Variants in GSE1 observed in about 807,000 individuals in gnomAD.
GSE1 encodes Gse1 coiled-coil protein, also known as genetic suppressor element 1.
Under a neutral mutation model 112.6 loss-of-function variants are expected in GSE1, and 32 were observed. The ratio of observed to expected loss-of-function variants is 0.28; its 90% CI spans 0.21 to 0.38. The LOEUF (loss-of-function observed/expected upper bound fraction) is 0.38. Among genes scored for constraint, GSE1 ranks in the 10% least tolerant of loss-of-function variants. The pLI is 1.00. For synonymous variants in GSE1, 1,115 were observed against 735.6 expected, an observed-to-expected ratio of 1.52 and a Z score of -8.35; for missense variants, 2,348 against 1,699.2, an observed-to-expected ratio of 1.38 and a Z score of -6.71.
In GSE1 at chr16:85,657,338, G is replaced by A. The variant is rs373054511; in HGVS notation, c.1374G>A (p.Val458=). 21 of 1,608,136 alleles carry A rather than the reference G, an allele frequency of 1.3e-5. No homozygotes were observed. The African/African-American group carries it at 2.7e-4, about 21-fold the overall frequency. The change falls in exon 8 of 16, where the codon GTG becomes GTA. Residue 458 remains valine, a synonymous_variant. Transcript: ENST00000253458. ...CCGTCCAACACCCCTTGCATCCGGT[G>A]CCCACCCCACACCACACGGTGCCCA... is the stretch of plus-strand genomic sequence containing the variant. The part of the protein sequence containing the change: ...PKPVQHPLHP[V]PTPHHTVPSL...
intron 1 of GSE1, among the ~76,000 whole-genome samples, chr16:85,259,300 A>C (rs1234642886): frequency 6.7e-6 from 1 of 149,550 alleles, no homozygotes; most frequent in Non-Finnish European, 1.5e-5. Context: ...CCTGTGCTCC[A>C]CCCTGGCCCA....
At chr16:85,319,883 C>A (rs1370176162) in intron 1 of GSE1, among the ~76,000 whole-genome samples, 1 of 152,166 alleles carries the variant, frequency 6.6e-6, no homozygotes, top group Non-Finnish European at 1.5e-5. Flanking sequence ...TAGCATGGTG[C>A]CTGGCAAACA....
chr16:85,611,991 A>G (rs2151541750), upstream of GSE1, among the ~76,000 whole-genome samples: 1 of 152,010 alleles, frequency 6.6e-6, no homozygotes, highest in Admixed American at 6.5e-5. Flanking sequence ...CGAAACCCGC[A>G]CCGCAGCGCA....
chr16:85,342,476 T>G (rs986005711), intron 1 of GSE1, among the ~76,000 whole-genome samples: 1 of 152,124 alleles, frequency 6.6e-6, no homozygotes, highest in Non-Finnish European at 1.5e-5. Context: ...GTCACGCTCA[T>G]CTGCGGTGGC....
chr16:85,506,715 C>T (rs1016406962), intron 2 of GSE1, among the ~76,000 whole-genome samples: 4 of 151,886 alleles, frequency 2.6e-5, no homozygotes, highest in Admixed American at 6.5e-5. Flanking sequence ...CTGCTAACGT[C>T]GATTAGCCCT....
intron 1 of GSE1, among the ~76,000 whole-genome samples, chr16:85,237,302 G>A (rs565395119): frequency 1.3e-5 from 2 of 152,250 alleles, no homozygotes; most frequent in East Asian, 3.9e-4. Flanking sequence ...CAGCCTGGGC[G>A]ACAGAGCAAG....
chr16:85,340,014 C>A (rs749052516), intron 1 of GSE1, among the ~76,000 whole-genome samples: 27 of 152,220 alleles, frequency 1.8e-4, no homozygotes, highest in Non-Finnish European at 3.4e-4. Context: ...CCACCTCTCT[C>A]AGCACAGCTT....
chr16:85,540,846 G>A lies in GSE1; in HGVS notation c.2465-93068G>A, dbSNP rs542981490. Among the ~76,000 whole-genome samples the A allele has an allele frequency of 3.3e-5, 5 of 152,312 alleles. No individual in the cohort carries two copies. The South Asian group carries it at 8.3e-4, about 25-fold the overall frequency. ...CCCTTGAGCCCAGGAGTTTGAGGCT[G>A]CAGTGAGCTGTGATTGCACCACTGC... On this transcript the variant is annotated intron_variant, in intron 2 of 2. Coordinates refer to the GSE1 transcript ENST00000637419.
At chr16:85,376,874 C>G (rs2047432202) in intron 2 of GSE1, among the ~76,000 whole-genome samples, 1 of 152,200 alleles carries the variant, frequency 6.6e-6, no homozygotes, top group Non-Finnish European at 1.5e-5. Flanking sequence ...CCATAGGCCT[C>G]TCTGCACACC....
chr16:85,291,637 G>A (rs1043786890), intron 1 of GSE1, among the ~76,000 whole-genome samples: 2 of 152,186 alleles, frequency 1.3e-5, no homozygotes, highest in African/African-American at 2.4e-5. Context: ...TTTTCCGCCC[G>A]GCCAGCCGCA....
chr16:85,339,814 G>A lies in GSE1; in HGVS notation c.2284-17649G>A, dbSNP rs185084043. ...TTTGGTGACTTTCGTGTTTGCCTAT[G>A]GAACCTGAAGGAGTGGATATACATC... is the stretch of plus-strand genomic sequence containing the variant. On this transcript the variant is annotated intron_variant, in intron 1 of 2. Transcript: ENST00000637419. 1.5e-3 allele frequency among the ~76,000 whole-genome samples: 221 copies of A among 152,304 alleles called. 1 individual carries two copies. The highest frequency in any genetic ancestry group is 0.014 in the Middle Eastern group (4 of 294).
chr16:85,310,600 C>A lies in GSE1; in HGVS notation c.2284-46863C>A, dbSNP rs73257790. Among the ~76,000 whole-genome samples, 61 of 151,810 alleles carry A rather than the reference C, an allele frequency of 4.0e-4. 1 individual carries two copies. The highest frequency in any genetic ancestry group is 1.4e-3 in the African/African-American group (59 of 41,242). ...GTCCTTGTTGCTTCTCCCTTTGAGC[C>A]CCTCTCCCTGCTCCCTGACACCTGG... is the stretch of plus-strand genomic sequence containing the variant. On this transcript the variant is annotated intron_variant, in intron 1 of 2. Coordinates refer to the GSE1 transcript ENST00000637419.
At chr16:85,215,398 C>G (rs1218254620) in intron 1 of GSE1, among the ~76,000 whole-genome samples, 1 of 152,056 alleles carries the variant, frequency 6.6e-6, no homozygotes, top group Non-Finnish European at 1.5e-5. Context: ...TTCAGACACT[C>G]AGAAGGGGAA....
chr16:85,531,064 C>T (rs1356873055), intron 2 of GSE1, among the ~76,000 whole-genome samples: 2 of 152,258 alleles, frequency 1.3e-5, no homozygotes, highest in Non-Finnish European at 2.9e-5. Flanking sequence ...GCCATGCACA[C>T]ACCTTTGCCT....
At chr16:85,286,895 G>A (rs937751823) in intron 1 of GSE1, among the ~76,000 whole-genome samples, 8 of 152,178 alleles carry the variant, frequency 5.3e-5, no homozygotes, top group Middle Eastern at 3.2e-3. Context: ...TATGGGCTCC[G>A]TGGGCTAGGG....
chr16:85,268,748 C>G (rs1006957661), intron 1 of GSE1, among the ~76,000 whole-genome samples: 1 of 152,202 alleles, frequency 6.6e-6, no homozygotes, highest in African/African-American at 2.4e-5. Context: ...CACCCTCTGC[C>G]TTCCTCGGGG....
chr16:85,602,616 TGGTGGCCTTGGTGGGGGCCTGAGGTGTA>T (rs1378876720), intron 1 of GSE1, among the ~76,000 whole-genome samples: 1 of 152,102 alleles, frequency 6.6e-6, no homozygotes, highest in Non-Finnish European at 1.5e-5. Context: ...TATCTCTGGG[TGGTGGCCTTGGTGGGGGCCTGAGGTGTA>T]GGTGTCCTCT....
chr16:85,613,856 G>T (rs1395135280), intron 1 of GSE1, among the ~76,000 whole-genome samples: 1 of 133,114 alleles, frequency 7.5e-6, no homozygotes, highest in Admixed American at 7.2e-5. Context: ...GGAAGCGGGG[G>T]TGTGGGGGGG....
At chr16:85,357,868 A>G (rs1238748091) in intron 2 of GSE1, among the ~76,000 whole-genome samples, 3 of 151,916 alleles carry the variant, frequency 2.0e-5, no homozygotes, top group Non-Finnish European at 4.4e-5. Context: ...CTGGTTCTCG[A>G]TACTCTCGCC....
Sources: gnomAD v4.1 joint callset for allele counts (sites outside exome capture counted in the v4.1 genomes callset) on GRCh38, gnomAD v4.1.1 for gene constraint, MANE v1.5 for transcripts, NCBI Gene and HGNC (gene_info 2026-07-23, HGNC 2026-07-21) for gene names.